Variants in MYBL1 observed in about 807,000 individuals in gnomAD.
MYBL1 encodes MYB proto-oncogene like 1.
Under a neutral mutation model 96.3 loss-of-function variants are expected in MYBL1, and 17 were observed. The ratio of observed to expected loss-of-function variants is 0.18; its 90% CI spans 0.12 to 0.26. The LOEUF is 0.26. MYBL1 is among the 10% of genes least tolerant of loss of function. MYBL1 has a pLI of 1.00. For synonymous variants in MYBL1, 282 were observed against 292.7 expected (o/e 0.96, Z 0.37); for missense variants, 701 against 882.9 (o/e 0.79, Z 2.61).
At chr8:66,573,978 AT>A (rs1285792033) in intron 10 of MYBL1, among the ~76,000 whole-genome samples, 3,019 of 152,282 alleles carry the variant, frequency 0.02, 95 homozygotes, top group African/African-American at 0.067. Context: ...TGCTTTGCTG[AT>A]AAGAAATACA....
chr8:66,570,657 G>A (rs1014418352), intron 12 of MYBL1, among the ~76,000 whole-genome samples: 5 of 151,984 alleles, frequency 3.3e-5, no homozygotes, highest in African/African-American at 1.2e-4. Flanking sequence ...GAACCTATTA[G>A]GCACTCAATC....
intron 14 of MYBL1, 36 bp downstream of exon 14, chr8:66,566,648 C>A: frequency 1.5e-6 from 2 of 1,378,136 alleles, no homozygotes; most frequent in South Asian, 1.3e-5. Flanking sequence ...TTAAAGCAAC[C>A]ATTTAAAATA....
At chr8:66,602,352 T>C in intron 2 of MYBL1, 66 bp downstream of exon 2, 1 of 1,129,294 alleles carries the variant, frequency 8.9e-7, no homozygotes, top group Non-Finnish European at 1.2e-6. Context: ...CACCTGGCCG[T>C]ATAACTATAG....
intron 12 of MYBL1, among the ~76,000 whole-genome samples, chr8:66,570,961 A>T (rs562030290): frequency 1.7e-4 from 26 of 152,286 alleles, no homozygotes; most frequent in Admixed American, 7.8e-4. Flanking sequence ...GATCAACCCT[A>T]CTACGTACCC....
At chr8:66,564,974 T>C in intron 15 of MYBL1, 149 bp from the exon 16 acceptor site, 1 of 465,372 alleles carries the variant, frequency 2.1e-6, no homozygotes, top group Non-Finnish European at 3.5e-6. Flanking sequence ...TGTATTTTTT[T>C]AATAATAATG....
chr8:66,595,794 G>C, intron 5 of MYBL1, 37 bp from the exon 6 acceptor site: 3 of 1,335,034 alleles, frequency 2.2e-6, no homozygotes, highest in Non-Finnish European at 3.0e-6. Flanking sequence ...AAGAAAAAAG[G>C]ATTCCACAGA....
chr8:66,571,808 G>T (rs957956077), intron 12 of MYBL1, among the ~76,000 whole-genome samples: 1 of 151,806 alleles, frequency 6.6e-6, no homozygotes, highest in Middle Eastern at 3.4e-3. Context: ...AACCCAGGAG[G>T]CGGAGGTTGC....
chr8:66,590,658 G>C (rs1057055652), intron 8 of MYBL1, among the ~76,000 whole-genome samples: 1 of 150,860 alleles, frequency 6.6e-6, no homozygotes, highest in East Asian at 1.9e-4. Context: ...ACTCCCGCTT[G>C]AGTGAGAGAG....
rs75870565 is a variant in MYBL1, at chr8:66,588,145, G to A, written c.867+4295C>T. On this transcript the variant is annotated intron_variant, in intron 8 of 15. Coordinates refer to ENST00000522677, the MANE Select transcript of MYBL1 (RefSeq NM_001080416.4). ...TTTCCTCTCATGCTGGAGGGAACAC[G>A]TGGTTCCCTCCAAACCACATACCTT... Among the ~76,000 whole-genome samples the A allele has an allele frequency of 2.7e-3, 404 of 152,068 alleles. 10 individuals are homozygous for A. In the East Asian group the frequency reaches 0.065, roughly 25 times the overall value.
In MYBL1 at chr8:66,593,191, G is replaced by C. The variant is rs770490398; in HGVS notation, c.691C>G (p.Pro231Ala). ...QNQFYIPVQI[P>A]GYQYVSPEGN... is the part of the protein sequence containing the mutation. ...TCAGGTGACACATACTGATACCCAG[G>C]GATCTAAAAAGTAATTAATGCATTA... Residue 231 changes from proline (P) to alanine (A), a missense_variant, in exon 7 of 16, where the codon CCT (proline) becomes GCT (alanine). This residue lies in a region of MYBL1 where 396 missense variants were observed against 407.4 expected (regional missense o/e 0.97). Transcript: ENST00000522677. 2 of 1,565,220 alleles carry C rather than the reference G, an allele frequency of 1.3e-6. No individual in the cohort carries two copies.
intron 1 of MYBL1, among the ~76,000 whole-genome samples, chr8:66,603,089 T>A (rs1810171784): frequency 6.6e-6 from 1 of 152,008 alleles, no homozygotes; most frequent in Admixed American, 6.6e-5. Context: ...AGGTTGGATA[T>A]GCCACTACGG....
intron 1 of MYBL1, 116 bp downstream of exon 1, chr8:66,612,702 AG>A: frequency 8.5e-7 from 1 of 1,176,250 alleles, no homozygotes; most frequent in Non-Finnish European, 1.1e-6. Flanking sequence ...GGACGCGGGA[AG>A]AAAAACCTCT....
intron 1 of MYBL1, among the ~76,000 whole-genome samples, chr8:66,608,342 G>GT (rs1225884361): frequency 6.6e-6 from 1 of 152,074 alleles, no homozygotes; most frequent in African/African-American, 2.4e-5. Flanking sequence ...TTTTGAATGG[G>GT]TAAGTGTGAA....
intron 1 of MYBL1, 49 bp downstream of exon 1, chr8:66,612,770 C>T: frequency 7.4e-7 from 1 of 1,346,950 alleles, no homozygotes; most frequent in Non-Finnish European, 9.6e-7. Context: ...GAAAGAGAAT[C>T]TGAGCCGAGA....
intron 2 of MYBL1, 31 bp downstream of exon 2, chr8:66,602,386 TA>T: frequency 6.8e-7 from 1 of 1,474,416 alleles, no homozygotes; most frequent in Non-Finnish European, 9.3e-7. Context: ...TAAATACATG[TA>T]AGAAACTATG....
In MYBL1 at chr8:66,601,894, C is replaced by G. The variant is rs1030127714; in HGVS notation, c.127-125G>C. ...ACCATAGAATAACTAAAGCCACCCA[C>G]TATAATACAAATTCTTCCATTTATT... On this transcript the variant is annotated intron_variant, in intron 2 of 15. Coordinates refer to ENST00000522677, the MANE Select transcript of MYBL1 (RefSeq NM_001080416.4). 4 of 455,362 alleles carry G rather than the reference C, an allele frequency of 8.8e-6. No homozygotes were observed. In the East Asian group the frequency reaches 1.4e-4, roughly 15 times the overall value. 28.2% of individuals were successfully genotyped at this position (455,362 alleles called of 1,614,324 possible).
chr8:66,582,515 G>A (rs1284515010), intron 8 of MYBL1, among the ~76,000 whole-genome samples: 3 of 129,754 alleles, frequency 2.3e-5, no homozygotes, highest in African/African-American at 9.3e-5. Context: ...AACCAGCCTC[G>A]GCAACATGGC....
intron 1 of MYBL1, among the ~76,000 whole-genome samples, chr8:66,603,508 C>G (rs1170502120): frequency 1.3e-5 from 2 of 149,648 alleles, no homozygotes; most frequent in Non-Finnish European, 3.0e-5. Flanking sequence ...TTTTTCCAGA[C>G]AGGGTCTCAG....
At chr8:66,606,786 G>T (rs2130059002) in intron 1 of MYBL1, among the ~76,000 whole-genome samples, 1 of 151,142 alleles carries the variant, frequency 6.6e-6, no homozygotes, top group Non-Finnish European at 1.5e-5. Context: ...TCCATACATG[G>T]CTGTTTTTTT....
Sources: gnomAD v4.1 joint callset for allele counts (sites outside exome capture counted in the v4.1 genomes callset) on GRCh38, gnomAD v4.1.1 for gene constraint, gnomAD v4.1.1 regional missense constraint, MANE v1.5 for transcripts, NCBI Gene and HGNC (gene_info 2026-07-23, HGNC 2026-07-21) for gene names.